The following PTPRD variants were observed in gnomAD, a reference collection of about 807,000 sequenced individuals.
PTPRD encodes protein tyrosine phosphatase receptor type D, also known as receptor-type tyrosine-protein phosphatase delta.
In PTPRD, 34 loss-of-function variants were observed where a neutral mutation model predicts 214.5. That is an observed-to-expected ratio of 0.16 (90% CI 0.12 to 0.21). The LOEUF (loss-of-function observed/expected upper bound fraction) is 0.21. PTPRD is among the 10% of genes least tolerant of loss of function. The probability of loss-of-function intolerance (pLI) is 1.00; values close to 1 mark genes in which losing one functional copy is unlikely to be tolerated. For missense variants in PTPRD, 2,545 were observed against 2,398.7 expected, an observed-to-expected ratio of 1.06 and a Z score of -1.27; for synonymous variants, 1,128 against 845.7, an observed-to-expected ratio of 1.33 and a Z score of -5.79.
At chr9:8,901,165 T>C (rs1039977392) in intron 11 of PTPRD, among the ~76,000 whole-genome samples, 16 of 152,156 alleles carry the variant, frequency 1.1e-4, no homozygotes, top group Non-Finnish European at 2.2e-4. Flanking sequence ...CATGGGTTCA[T>C]TGGAGCTCAA....
intron 8 of PTPRD, among the ~76,000 whole-genome samples, chr9:9,404,642 T>C (rs1212733917): frequency 6.6e-6 from 1 of 152,044 alleles, no homozygotes; most frequent in Non-Finnish European, 1.5e-5. Flanking sequence ...ATTAGATACA[T>C]GAGTACAAGT....
chr9:10,233,210 T>A (rs2099617819), intron 3 of PTPRD, among the ~76,000 whole-genome samples: 6 of 151,996 alleles, frequency 3.9e-5, no homozygotes, highest in Admixed American at 3.9e-4. Flanking sequence ...GCTAGTTTCA[T>A]AGAAATGATA....
rs908493235 is a variant in PTPRD, at chr9:8,314,250, T to C, written c.*3624A>G. On this transcript the variant is annotated 3_prime_UTR_variant, in exon 46 of 46. Transcript: ENST00000381196. ...GACAAAAGCAAAGGCCAGGGCTGCA[T>C]AACACTGACATTTTTATTAGAATTC... 2 of 207,706 alleles carry C rather than the reference T, an allele frequency of 9.6e-6. No homozygotes were observed. Among genetic ancestry groups the C allele is most frequent in the Non-Finnish European group, 2.0e-5 (2 of 101,640 alleles). The allele number at this position is 207,706 out of a possible 1,614,324, so 12.9% of individuals were successfully genotyped here. A position where few individuals can be genotyped will look rare whatever the true frequency, so the allele number is the denominator to read the frequency against.
intron 9 of PTPRD, among the ~76,000 whole-genome samples, chr9:9,185,478 C>G (rs2099930802): frequency 6.6e-6 from 1 of 152,036 alleles, no homozygotes; most frequent in African/African-American, 2.4e-5. Context: ...TGTCCACTTG[C>G]TGGTTAAGTT....
At chr9:8,608,841 T>C (rs754764713) in intron 14 of PTPRD, among the ~76,000 whole-genome samples, 2 of 152,188 alleles carry the variant, frequency 1.3e-5, no homozygotes, top group African/African-American at 2.4e-5. Flanking sequence ...AATCGGGCCA[T>C]ATGTACTTTA....
chr9:8,490,246 T>C (rs1286391265), intron 27 of PTPRD, among the ~76,000 whole-genome samples: 1 of 152,236 alleles, frequency 6.6e-6, no homozygotes, highest in Non-Finnish European at 1.5e-5. Context: ...ACTTACGTCA[T>C]GACATATAAA....
intron 5 of PTPRD, among the ~76,000 whole-genome samples, chr9:9,816,955 A>G (rs2761743): frequency 6.6e-6 from 1 of 151,774 alleles, no homozygotes; most frequent in Non-Finnish European, 1.5e-5. Context: ...AATAGAAAAT[A>G]AGGATTCTTT....
intron 3 of PTPRD, among the ~76,000 whole-genome samples, chr9:10,103,729 T>C (rs928378596): frequency 3.3e-5 from 5 of 151,522 alleles, no homozygotes; most frequent in Admixed American, 6.6e-5. Flanking sequence ...GTCTTAGGGA[T>C]GCTTATCCTT....
intron 5 of PTPRD, among the ~76,000 whole-genome samples, chr9:9,823,867 C>A (rs1252751574): frequency 6.6e-6 from 1 of 151,936 alleles, no homozygotes; most frequent in Admixed American, 6.6e-5. Context: ...AGGAGCAAAT[C>A]TGAAATGTTC....
chr9:8,642,758 C>T (rs1188329698), intron 12 of PTPRD, among the ~76,000 whole-genome samples: 6 of 152,142 alleles, frequency 3.9e-5, no homozygotes, highest in Non-Finnish European at 1.5e-5. Context: ...ATCCTATTGA[C>T]ACTTTCGCAA....
intron 3 of PTPRD, among the ~76,000 whole-genome samples, chr9:10,161,107 C>G (rs1192414041): frequency 6.6e-6 from 1 of 151,766 alleles, no homozygotes; most frequent in Non-Finnish European, 1.5e-5. Context: ...TGTTCATGAA[C>G]TTGAAGAATA....
chr9:8,561,913 T>G (rs1564361948), intron 14 of PTPRD, among the ~76,000 whole-genome samples: 1 of 152,132 alleles, frequency 6.6e-6, no homozygotes. Context: ...CTCCTTTAAA[T>G]GCCATCCATC....
chr9:8,644,666 G>A (rs557715731), intron 12 of PTPRD, among the ~76,000 whole-genome samples: 1 of 152,200 alleles, frequency 6.6e-6, no homozygotes, highest in Non-Finnish European at 1.5e-5. Flanking sequence ...TGCCAGCCAG[G>A]GAAGCTGCTG....
At chr9:8,794,317 G>T (rs1481439057) in intron 11 of PTPRD, among the ~76,000 whole-genome samples, 15 of 152,088 alleles carry the variant, frequency 9.9e-5, no homozygotes. Flanking sequence ...AGAACCAGAG[G>T]ATATGGAAAT....
At chr9:9,556,008 A>G (rs927013144) in intron 8 of PTPRD, among the ~76,000 whole-genome samples, 1 of 152,120 alleles carries the variant, frequency 6.6e-6, no homozygotes, top group Non-Finnish European at 1.5e-5. Flanking sequence ...ACCCTTGAAC[A>G]ATGTGGGGGA....
At chr9:9,065,039 T>C (rs2099723906) in intron 10 of PTPRD, among the ~76,000 whole-genome samples, 2 of 152,182 alleles carry the variant, frequency 1.3e-5, no homozygotes, top group Middle Eastern at 3.2e-3. Flanking sequence ...ATCACAAATA[T>C]CCACTGAGTA....
chr9:9,808,830 G>A (rs1026283326), intron 5 of PTPRD, among the ~76,000 whole-genome samples: 3 of 152,028 alleles, frequency 2.0e-5, no homozygotes, highest in Admixed American at 6.6e-5. Context: ...AGAACGCAGT[G>A]GCTCAATCAT....
At chr9:8,469,784 T>G (rs1051405131) in intron 31 of PTPRD, among the ~76,000 whole-genome samples, 4 of 152,082 alleles carry the variant, frequency 2.6e-5, no homozygotes, top group African/African-American at 4.8e-5. Flanking sequence ...AGCATAGGCC[T>G]AACCTTGAAC....
intron 21 of PTPRD, among the ~76,000 whole-genome samples, chr9:8,511,476 T>C (rs1414893589): frequency 6.6e-6 from 1 of 152,152 alleles, no homozygotes; most frequent in Admixed American, 6.5e-5. Flanking sequence ...TCTATGTATA[T>C]CTTATTTTAT....
Sources: gnomAD v4.1 joint callset for allele counts (sites outside exome capture counted in the v4.1 genomes callset) on GRCh38, gnomAD v4.1.1 for gene constraint, MANE v1.5 for transcripts, NCBI Gene and HGNC (gene_info 2026-07-23, HGNC 2026-07-21) for gene names.